The following ITPR1 variants were observed in gnomAD, a reference collection of about 807,000 sequenced individuals.
ITPR1 encodes inositol 1,4,5-trisphosphate receptor type 1, also known as inositol 1,4,5-trisphosphate-gated calcium channel ITPR1.
ITPR1 carries 96 observed loss-of-function variants against 318.4 expected under a neutral mutation model. The ratio of observed to expected loss-of-function variants is 0.30; its 90% CI spans 0.26 to 0.36. The LOEUF is 0.36. Ranked by LOEUF, ITPR1 falls within the 10% of genes least tolerant of loss-of-function variation. The probability of loss-of-function intolerance (pLI) is 1.00; values close to 1 mark genes in which losing one functional copy is unlikely to be tolerated. For synonymous variants in ITPR1, 1,312 were observed against 1,289.9 expected, an observed-to-expected ratio of 1.02 and a Z score of -0.37; for missense variants, 2,440 against 3,460.2, an observed-to-expected ratio of 0.71 and a Z score of 7.40.
chr3:4,666,570 C>G (rs1460762197), intron 17 of ITPR1, among the ~76,000 whole-genome samples: 1 of 152,180 alleles, frequency 6.6e-6, no homozygotes, highest in Non-Finnish European at 1.5e-5. Context: ...AGTTCCTACA[C>G]AATGCCTCCT....
chr3:4,586,345 A>G (rs1409750425), intron 4 of ITPR1, among the ~76,000 whole-genome samples: 2 of 152,076 alleles, frequency 1.3e-5, no homozygotes, highest in African/African-American at 2.4e-5. Context: ...TTGGTTTACT[A>G]TTGAGGAAAA....
chr3:4,494,206 C>T (rs544007922), intron 1 of ITPR1, among the ~76,000 whole-genome samples: 3 of 152,338 alleles, frequency 2.0e-5, no homozygotes, highest in East Asian at 3.9e-4. Context: ...GAAGTTTGTG[C>T]GTGCCTAGTC....
chr3:4,697,695 G>T (rs1330689529), intron 34 of ITPR1, among the ~76,000 whole-genome samples: 1 of 151,784 alleles, frequency 6.6e-6, no homozygotes, highest in Non-Finnish European at 1.5e-5. Context: ...CAAATGATCT[G>T]CCCACCTCAG....
chr3:4,596,436 T>C (rs1344282572), intron 4 of ITPR1, among the ~76,000 whole-genome samples: 1 of 152,222 alleles, frequency 6.6e-6, no homozygotes, highest in Non-Finnish European at 1.5e-5. Context: ...CTGTTCACTA[T>C]ATACAATGGT....
At position 4,683,493 on chromosome 3, in the gene ITPR1, T is replaced by C; in HGVS notation, c.3269T>C (p.Leu1090Pro). The C allele has an allele frequency of 6.2e-7, 1 of 1,614,062 alleles. No homozygotes were observed. The highest frequency in any genetic ancestry group is 8.5e-7 in the Non-Finnish European group (1 of 1,179,898). Reference sequence around the variant, plus strand: ...TACCCACCCCTGGTGTCAGGGGCCCTGCAGCTCCTCTTCCGGCACTTCAGC... The same window carrying C: ...TACCCACCCCTGGTGTCAGGGGCCCCGCAGCTCCTCTTCCGGCACTTCAGC... ...HDYPPLVSGA[L>P]QLLFRHFSQR... The change falls in exon 27 of 62, where the codon CTG becomes CCG. Residue 1090 changes from leucine to proline, a missense_variant. This residue lies in a region of ITPR1 where 76 missense variants were observed against 132.2 expected (regional missense o/e 0.58). Transcript: ENST00000649015.
intron 4 of ITPR1, among the ~76,000 whole-genome samples, chr3:4,539,936 C>A (rs2084267007): frequency 6.7e-6 from 1 of 148,890 alleles, no homozygotes. Context: ...TTACAAATTA[C>A]CCAGTTTCAG....
intron 4 of ITPR1, among the ~76,000 whole-genome samples, chr3:4,544,696 T>C (rs1343910733): frequency 1.3e-5 from 2 of 152,262 alleles, no homozygotes; most frequent in African/African-American, 2.4e-5. Flanking sequence ...GGGAAATGCA[T>C]AGTCTGAGAT....
chr3:4,836,714 T>TA, intron 60 of ITPR1, 60 bp from the exon 61 acceptor site: 1 of 1,282,814 alleles, frequency 7.8e-7, no homozygotes, highest in Admixed American at 3.3e-5. Flanking sequence ...TTCTTGTTTT[T>TA]ACCTCTAGAA....
At chr3:4,621,689 C>G (rs2092640333) in intron 4 of ITPR1, among the ~76,000 whole-genome samples, 1 of 152,242 alleles carries the variant, frequency 6.6e-6, no homozygotes. Context: ...TTCTGCTTCC[C>G]TCTCAAGCCT....
intron 42 of ITPR1, among the ~76,000 whole-genome samples, chr3:4,730,416 TGTG>T (rs201281009): frequency 0.063 from 6,928 of 109,108 alleles, 337 homozygotes; most frequent in South Asian, 0.12. Flanking sequence ...TGTGTGTGTG[TGTG>T]TTTCCCCCAG....
Position 4,691,199 on chromosome 3 carries a change from G to A in ITPR1, c.3884G>A (p.Ser1295Asn), listed in dbSNP as rs2094474185. The A allele has an allele frequency of 6.2e-7, 1 of 1,613,174 alleles. No homozygotes were observed. Among genetic ancestry groups the A allele is most frequent in the African/African-American group, 1.3e-5 (1 of 74,914 alleles). ...TTCATGAACAATTTCCAGCTTTGCA[G>A]TGAGATCAACGAGAGAGTTGTTCAG... ...HIFMNNFQLC[S>N]EINERVVQHF... Residue 1295 changes from serine to asparagine, a missense_variant, in exon 32 of 62, where the codon AGT becomes AAT. Transcript: ENST00000649015.
Position 4,779,487 on chromosome 3 carries a change from G to T in ITPR1, c.6292-63G>T. On this transcript the variant is annotated intron_variant, in intron 48 of 61. Coordinates refer to ENST00000649015, the MANE Select transcript of ITPR1 (RefSeq NM_001378452.1). This position sits in a 1 kb window ranked among gnomAD's most constrained non-coding sequence, Gnocchi z 4.0. Reference sequence around the variant, plus strand: ...GCCTCCCATGTGCCAGTTGGCACCTGCATTCAGGCCGGGCCCCCAAGCAGC... The same window carrying T: ...GCCTCCCATGTGCCAGTTGGCACCTTCATTCAGGCCGGGCCCCCAAGCAGC... The T allele has an allele frequency of 8.2e-7, 1 of 1,218,958 alleles. No individual in the cohort carries two copies. The highest frequency in any genetic ancestry group is 1.2e-6 in the Non-Finnish European group (1 of 824,000). 75.5% of individuals were successfully genotyped at this position (1,218,958 alleles called of 1,614,324 possible).
At chr3:4,642,829 G>T (rs2125153995) in intron 7 of ITPR1, among the ~76,000 whole-genome samples, 1 of 152,298 alleles carries the variant, frequency 6.6e-6, no homozygotes, top group East Asian at 1.9e-4. Flanking sequence ...ATATTTGTTG[G>T]CTGAATTAGT....
At chr3:4,800,841 A>G (rs765725541) in intron 54 of ITPR1, among the ~76,000 whole-genome samples, 17 of 152,230 alleles carry the variant, frequency 1.1e-4, no homozygotes, top group Non-Finnish European at 1.9e-4. Flanking sequence ...TTTAGGGACT[A>G]TCCCTGTCAG....
chr3:4,667,858 A>G (rs2093984822), intron 18 of ITPR1, among the ~76,000 whole-genome samples: 2 of 152,302 alleles, frequency 1.3e-5, no homozygotes, highest in South Asian at 4.1e-4. Context: ...GCAGGCACTT[A>G]GTGGATGCAG....
At chr3:4,800,843 C>T (rs376489632) in intron 54 of ITPR1, among the ~76,000 whole-genome samples, 6 of 152,282 alleles carry the variant, frequency 3.9e-5, no homozygotes, top group East Asian at 1.9e-4. Context: ...TAGGGACTAT[C>T]CCTGTCAGGA....
chr3:4,629,140 CCTG>C (rs1399405605), intron 5 of ITPR1, among the ~76,000 whole-genome samples: 1 of 152,198 alleles, frequency 6.6e-6, no homozygotes, highest in Non-Finnish European at 1.5e-5. Context: ...ATGCCTGGAC[CCTG>C]CTGCCCCCAC....
Position 4,535,524 on chromosome 3 carries a change from G to C in ITPR1, c.163+14430G>C, listed in dbSNP as rs1391952410. 2.2e-5 allele frequency among the ~76,000 whole-genome samples: 3 copies of C among 133,752 alleles called. No homozygotes were observed. In the East Asian group the frequency reaches 7.1e-4, roughly 32 times the overall value. 87.7% of individuals were successfully genotyped at this position (133,752 alleles called of 152,430 possible). ...GTGGCGCAATCTCGGCTCACTCCAA[G>C]CTCCGCCTCCTGGGTTCACACCATT... is the stretch of plus-strand genomic sequence containing the variant. On this transcript the variant is annotated intron_variant, in intron 4 of 61. Coordinates refer to ENST00000649015, the MANE Select transcript of ITPR1 (RefSeq NM_001378452.1).
Position 4,683,251 on chromosome 3 carries a change from T to C in ITPR1, c.3162-135T>C, listed in dbSNP as rs189276877. 86 of 802,538 alleles carry C rather than the reference T, an allele frequency of 1.1e-4. No homozygotes were observed. The African/African-American group carries it at 1.4e-3, about 13-fold the overall frequency. The allele number at this position is 802,538 out of a possible 1,614,324, so 49.7% of individuals were successfully genotyped here. On this transcript the variant is annotated intron_variant, in intron 26 of 61. Coordinates refer to ENST00000649015, the MANE Select transcript of ITPR1 (RefSeq NM_001378452.1). Reference sequence around the variant, plus strand: ...AGCAAGGCTGTATTGTTAAAGGAGCTAATGAAAAGTGAAATTGCATGTCTG... The same window carrying C: ...AGCAAGGCTGTATTGTTAAAGGAGCCAATGAAAAGTGAAATTGCATGTCTG...
Sources: gnomAD v4.1 joint callset for allele counts (sites outside exome capture counted in the v4.1 genomes callset) on GRCh38, gnomAD v4.1.1 for gene constraint, gnomAD v4.1.1 regional missense constraint, Gnocchi (gnomAD v3.1) non-coding constraint, MANE v1.5 for transcripts, NCBI Gene and HGNC (gene_info 2026-07-23, HGNC 2026-07-21) for gene names.